The following PAIP1 variants were observed in gnomAD, a reference collection of about 807,000 sequenced individuals.
PAIP1 encodes the protein poly(A) binding protein interacting protein 1.
A neutral mutation model predicts 61.3 loss-of-function variants in PAIP1; 16 were observed. The ratio of observed to expected loss-of-function variants is 0.26; its 90% CI spans 0.18 to 0.40. The LOEUF (loss-of-function observed/expected upper bound fraction) is 0.40. Among genes scored for constraint, PAIP1 ranks in the 10% least tolerant of loss-of-function variants. The pLI, the probability that PAIP1 is intolerant of heterozygous loss-of-function variation, is 1.00. For synonymous variants in PAIP1, 187 were observed against 226.2 expected, an observed-to-expected ratio of 0.83 and a Z score of 1.56; for missense variants, 416 against 600.9, an observed-to-expected ratio of 0.69 and a Z score of 3.22.
chr5:43,556,929 G>A lies in PAIP1; in HGVS notation c.-83C>T. 1 of 1,292,820 alleles carries A rather than the reference G, an allele frequency of 7.7e-7. No homozygotes were observed. Among genetic ancestry groups the A allele is most frequent in the African/African-American group, 1.6e-5 (1 of 64,452 alleles). The allele number at this position is 1,292,820 out of a possible 1,614,324, so 80.1% of individuals were successfully genotyped here. A position where few individuals can be genotyped will look rare whatever the true frequency, so the allele number is the denominator to read the frequency against. On this transcript the variant is annotated 5_prime_UTR_variant, in exon 1 of 11. Coordinates refer to ENST00000306846, the MANE Select transcript of PAIP1 (RefSeq NM_006451.5). ...CGCGGGGGGAAGGCGCCGCGGGTCG[G>A]CTATAGCCGCCGCGCCTCACTCGGG...
In PAIP1 at chr5:43,556,993, G is replaced by C. The variant is rs1465810143; in HGVS notation, c.-147C>G. The stretch of plus-strand genomic sequence containing the variant: ...GAGGGCGGCGGGCCCCGGCTCGGCT[G>C]CTCGGTGCTTCTGGCGGAGCGGACG... On this transcript the variant is annotated 5_prime_UTR_variant, in exon 1 of 11. Transcript: ENST00000306846. 4.9e-6 allele frequency: 6 copies of C among 1,222,370 alleles called. No homozygotes were observed. The East Asian group carries it at 1.9e-4, about 40-fold the overall frequency. 75.7% of individuals were successfully genotyped at this position (1,222,370 alleles called of 1,614,324 possible).
chr5:43,531,998 A>G (rs960617497), intron 9 of PAIP1, among the ~76,000 whole-genome samples: 11 of 152,174 alleles, frequency 7.2e-5, no homozygotes, highest in African/African-American at 2.2e-4. Flanking sequence ...GCAGAAACAA[A>G]ATTTAGCTTG....
chr5:43,535,810 T>C (rs1747124208), intron 6 of PAIP1, among the ~76,000 whole-genome samples, 170 bp from the exon 7 acceptor site: 1 of 152,194 alleles, frequency 6.6e-6, no homozygotes, highest in South Asian at 2.1e-4. Context: ...ACGCCCTCTA[T>C]ATTTCTCTTG....
chr5:43,556,843 A>G lies in PAIP1; in HGVS notation c.4T>C (p.Ser2Pro). The G allele has an allele frequency of 1.4e-6, 2 of 1,438,446 alleles. No homozygotes were observed. Among genetic ancestry groups the G allele is most frequent in the Non-Finnish European group, 1.8e-6 (2 of 1,097,736 alleles). 89.1% of individuals were successfully genotyped at this position (1,438,446 alleles called of 1,614,324 possible). M[S>P]DGFDRAPGAG... ...CCTGGGGCCCGATCGAAACCGTCCGACATGCTCCTCCTCCTCCGCCTCCTC... is the reference window on the plus strand; with the variant it reads ...CCTGGGGCCCGATCGAAACCGTCCGGCATGCTCCTCCTCCTCCGCCTCCTC... Residue 2 changes from serine (S) to proline (P), a missense_variant, in exon 1 of 11, where the codon TCG becomes CCG. Ser to Pro is a moderately conservative substitution (Grantham distance 74). Transcript: ENST00000306846.
At chr5:43,550,832 T>A (rs1392788986) in intron 2 of PAIP1, among the ~76,000 whole-genome samples, 4 of 15,500 alleles carry the variant, frequency 2.6e-4, no homozygotes, top group Admixed American at 7.2e-4. Flanking sequence ...AGTTGAAATA[T>A]ACTACAAAAA....
At chr5:43,534,279 A>C (rs548015749) in intron 8 of PAIP1, among the ~76,000 whole-genome samples, 2 of 151,792 alleles carry the variant, frequency 1.3e-5, no homozygotes, top group Non-Finnish European at 2.9e-5. Context: ...AGCTCACCAC[A>C]ACCTCTGCCT....
intron 5 of PAIP1, among the ~76,000 whole-genome samples, chr5:43,537,333 G>T (rs1336902573): frequency 2.0e-5 from 3 of 152,082 alleles, no homozygotes; most frequent in African/African-American, 7.2e-5. Context: ...CTGTGTAGAA[G>T]AATTTTAGGT....
rs563916413 is a variant in PAIP1, at chr5:43,548,279, G to A, written c.436-366C>T. 6.6e-5 allele frequency among the ~76,000 whole-genome samples: 10 copies of A among 152,200 alleles called. No homozygotes were observed. The South Asian group carries it at 2.1e-3, about 32-fold the overall frequency. On this transcript the variant is annotated intron_variant, in intron 2 of 10. Transcript: ENST00000306846. ...GATTTGCTTCAAAGTGGGAGGGGAA[G>A]TATGGACTAGGGATATAAAAACAAG...
At chr5:43,532,519 T>C (rs1746982556) in intron 9 of PAIP1, among the ~76,000 whole-genome samples, 1 of 152,080 alleles carries the variant, frequency 6.6e-6, no homozygotes, top group Non-Finnish European at 1.5e-5. Context: ...CACTGGTAGA[T>C]TAAAGACCTA....
upstream of PAIP1, chr5:43,557,093 C>T: frequency 1.6e-6 from 1 of 631,978 alleles, no homozygotes; most frequent in Non-Finnish European, 2.2e-6. Flanking sequence ...TCCCCCAAAA[C>T]CCGGCTCCCC....
At chr5:43,556,342 C>T (rs937777905) in intron 1 of PAIP1, 1 of 1,235,952 alleles carries the variant, frequency 8.1e-7, no homozygotes, top group African/African-American at 1.6e-5. Flanking sequence ...TCCCGGGACC[C>T]CGAACTCCGA....
intron 6 of PAIP1, among the ~76,000 whole-genome samples, 157 bp downstream of exon 6, chr5:43,536,662 T>C (rs1230531338): frequency 6.6e-6 from 1 of 152,200 alleles, no homozygotes; most frequent in Non-Finnish European, 1.5e-5. Flanking sequence ...AAACAATAAG[T>C]ATATCTCGCT....
intron 2 of PAIP1, among the ~76,000 whole-genome samples, chr5:43,548,403 A>AC (rs1349020169): frequency 1.3e-5 from 2 of 151,760 alleles, no homozygotes; most frequent in African/African-American, 4.8e-5. Context: ...GGGAAAAAAA[A>AC]AACAAAAACA....
At position 43,557,068 on chromosome 5, in the gene PAIP1, T is replaced by G; in HGVS notation, c.-222A>C. On this transcript the variant is annotated 5_prime_UTR_variant, in exon 1 of 11. Coordinates refer to ENST00000306846, the MANE Select transcript of PAIP1 (RefSeq NM_006451.5). Reference sequence around the variant, plus strand: ...GAGCGCCCGCCCCGCTCGGCTACCCTCGGCTTTCCAGTTCTCCCCCAAAAC... The same window carrying G: ...GAGCGCCCGCCCCGCTCGGCTACCCGCGGCTTTCCAGTTCTCCCCCAAAAC... 1.2e-6 allele frequency: 1 copy of G among 832,626 alleles called. No individual in the cohort carries two copies. The highest frequency in any genetic ancestry group is 1.6e-6 in the Non-Finnish European group (1 of 624,004). 51.6% of individuals were successfully genotyped at this position (832,626 alleles called of 1,614,324 possible). A position where few individuals can be genotyped will look rare whatever the true frequency, so the allele number is the denominator to read the frequency against.
intron 3 of PAIP1, among the ~76,000 whole-genome samples, chr5:43,544,260 TCTACTTA>T (rs1417847453): frequency 6.7e-6 from 1 of 148,916 alleles, no homozygotes; most frequent in Non-Finnish European, 1.5e-5. Context: ...ATATGTTGGG[TCTACTTA>T]CTAACTTTTA....
At position 43,556,855 on chromosome 5, in the gene PAIP1, T is replaced by C; in HGVS notation, c.-9A>G. The C allele has an allele frequency of 7.1e-7, 1 of 1,407,242 alleles. No individual in the cohort carries two copies. Among genetic ancestry groups the C allele is most frequent in the South Asian group, 1.5e-5 (1 of 65,128 alleles). 87.2% of individuals were successfully genotyped at this position (1,407,242 alleles called of 1,614,324 possible). On this transcript the variant is annotated 5_prime_UTR_variant, in exon 1 of 11. Coordinates refer to ENST00000306846, the MANE Select transcript of PAIP1 (RefSeq NM_006451.5). ...TCGAAACCGTCCGACATGCTCCTCC[T>C]CCTCCGCCTCCTCCTCCAGGGGCCG...
At chr5:43,533,705 C>G in intron 9 of PAIP1, 33 bp downstream of exon 9, 1 of 1,387,680 alleles carries the variant, frequency 7.2e-7, no homozygotes, top group Non-Finnish European at 1.0e-6. Flanking sequence ...TACCAAACAA[C>G]TGGGAGGAGG....
intron 5 of PAIP1, among the ~76,000 whole-genome samples, chr5:43,537,284 T>C (rs919758166): frequency 6.6e-6 from 1 of 152,190 alleles, no homozygotes; most frequent in African/African-American, 2.4e-5. Flanking sequence ...TTTTAAAATA[T>C]GGTATTTTGC....
intron 4 of PAIP1, among the ~76,000 whole-genome samples, chr5:43,542,056 A>G (rs900458321): frequency 2.6e-5 from 4 of 151,234 alleles, no homozygotes; most frequent in Admixed American, 1.3e-4. Context: ...CGCACCCATC[A>G]TCCCAGCTAC....
Sources: gnomAD v4.1 joint callset for allele counts (sites outside exome capture counted in the v4.1 genomes callset) on GRCh38, gnomAD v4.1.1 for gene constraint, MANE v1.5 for transcripts, NCBI Gene and HGNC (gene_info 2026-07-23, HGNC 2026-07-21) for gene names.